The following KCNQ1 variants were observed in gnomAD, a reference collection of about 807,000 sequenced individuals.
KCNQ1 encodes potassium voltage-gated channel subfamily KQT member 1.
A neutral mutation model predicts 72.4 loss-of-function variants in KCNQ1; 49 were observed. The observed-to-expected ratio is 0.68, with a 90% CI of 0.54 to 0.86. The LOEUF is 0.86. Among genes scored for constraint, KCNQ1 ranks in the 40% least tolerant of loss-of-function variants. The pLI is 0.00. For synonymous variants in KCNQ1, 450 were observed against 412.6 expected (o/e 1.09, Z -1.10); for missense variants, 790 against 945.1 (o/e 0.84, Z 2.15).
intron 15 of KCNQ1, among the ~76,000 whole-genome samples, chr11:2,823,658 T>C (rs1847784305): frequency 6.6e-6 from 1 of 152,170 alleles, no homozygotes; most frequent in African/African-American, 2.4e-5. Flanking sequence ...TAGGTGGGAC[T>C]GGGAAGAAAA....
intron 10 of KCNQ1, chr11:2,610,141 T>C (rs1465196): frequency 5.0e-6 from 2 of 397,860 alleles, no homozygotes; most frequent in African/African-American, 4.1e-5. Flanking sequence ...TAATATAAAT[T>C]TTCATTTCTT....
At chr11:2,586,108 C>A (rs1848588345) in intron 8 of KCNQ1, among the ~76,000 whole-genome samples, 1 of 152,208 alleles carries the variant, frequency 6.6e-6, no homozygotes, top group South Asian at 2.1e-4. Flanking sequence ...GGTTGAATGA[C>A]AAGTGCCCAC....
At chr11:2,707,401 G>T (rs1050620637) in intron 11 of KCNQ1, among the ~76,000 whole-genome samples, 2 of 152,190 alleles carry the variant, frequency 1.3e-5, no homozygotes, top group Non-Finnish European at 2.9e-5. Flanking sequence ...GGCCCTGCCT[G>T]GGCACAGAGC....
intron 4 of KCNQ1, 86 bp from the exon 5 acceptor site, chr11:2,571,927 C>A: frequency 9.2e-7 from 1 of 1,089,418 alleles, no homozygotes; most frequent in Non-Finnish European, 1.4e-6. Context: ...GGGGCAGGGA[C>A]ACCCATGCCA....
chr11:2,790,643 G>A (rs1847003052), intron 15 of KCNQ1, among the ~76,000 whole-genome samples: 2 of 152,220 alleles, frequency 1.3e-5, no homozygotes, highest in African/African-American at 4.8e-5. Flanking sequence ...TGTGAGACTC[G>A]GCGAGTCACG....
intron 10 of KCNQ1, chr11:2,631,427 T>A (rs10832417): frequency 5.1e-6 from 2 of 390,522 alleles, no homozygotes; most frequent in Non-Finnish European, 9.0e-6. Context: ...AAAATGTTTG[T>A]TTTTTTTTTA....
At chr11:2,693,556 C>A (rs1403088728) in intron 11 of KCNQ1, 15 of 398,550 alleles carry the variant, frequency 3.8e-5, no homozygotes, top group Non-Finnish European at 6.2e-5. Flanking sequence ...GAGCCCAAGG[C>A]TTTTCGGAGG....
At chr11:2,453,944 T>C (rs1014400349) in intron 1 of KCNQ1, among the ~76,000 whole-genome samples, 1 of 152,320 alleles carries the variant, frequency 6.6e-6, no homozygotes, top group South Asian at 2.1e-4. Flanking sequence ...ATTTATTTAA[T>C]TATTTTTTTC....
rs377719884 is a variant in KCNQ1 at position 2,731,704 on chromosome 11, G to A, written c.1515-37140G>A. Among the ~76,000 whole-genome samples the A allele has an allele frequency of 9.8e-5, 15 of 152,318 alleles. 1 individual carries two copies. The East Asian group carries it at 1.7e-3, about 18-fold the overall frequency. ...GAGGGCCTGAGGCCCAGAGAAAGGCGCCTGAAGCAAGGGAGGGGAGGGCTG... is the reference window on the plus strand; with the variant it reads ...GAGGGCCTGAGGCCCAGAGAAAGGCACCTGAAGCAAGGGAGGGGAGGGCTG... On this transcript the variant is annotated intron_variant, in intron 11 of 15. Transcript: ENST00000155840.
intron 1 of KCNQ1, among the ~76,000 whole-genome samples, chr11:2,501,595 A>C (rs555928044): frequency 1.3e-5 from 2 of 152,110 alleles, no homozygotes; most frequent in Non-Finnish European, 2.9e-5. Context: ...ATTCTGCCAA[A>C]GATTTCAAGA....
In KCNQ1 at chr11:2,600,920, A is replaced by G. The variant is rs11023425; in HGVS notation, c.1393+12066A>G. On this transcript the variant is annotated intron_variant, in intron 10 of 15. Coordinates refer to ENST00000155840, the MANE Select transcript of KCNQ1 (RefSeq NM_000218.3). This position sits in a 1 kb window ranked among gnomAD's most constrained non-coding sequence, Gnocchi z 5.6. ...CCTGATGTCCTTCTCAGTGTATCAC[A>G]TCCTGAGGCACACAGTGTATCTGCC... Among the ~76,000 whole-genome samples, 31,584 of 152,034 alleles carry G rather than the reference A, an allele frequency of 0.21. 4,354 individuals are homozygous for G. Among genetic ancestry groups the G allele is most frequent in the African/African-American group, 0.36 (15,066 of 41,410 alleles).
intron 11 of KCNQ1, among the ~76,000 whole-genome samples, chr11:2,744,443 A>G (rs1449533389): frequency 2.6e-5 from 4 of 152,206 alleles, no homozygotes; most frequent in South Asian, 2.1e-4. Flanking sequence ...CAGGGGTGCA[A>G]GAGGTGCCTG....
intron 15 of KCNQ1, among the ~76,000 whole-genome samples, chr11:2,836,948 C>T (rs1444730227): frequency 6.6e-6 from 1 of 152,154 alleles, no homozygotes; most frequent in Non-Finnish European, 1.5e-5. Context: ...CCATGAAAAA[C>T]CCTGTACACA....
Position 2,610,901 on chromosome 11 carries a change from T to G in KCNQ1, c.1393+22047T>G, listed in dbSNP as rs913224900. On this transcript the variant is annotated intron_variant, in intron 10 of 15. Transcript: ENST00000155840. The stretch of plus-strand genomic sequence containing the variant: ...CACCTCCCACCATTTCATCCAAGAA[T>G]AGTAGTTGGGTAATAGTTCAATAAC... The G allele has an allele frequency of 1.8e-5, 7 of 398,330 alleles. No homozygotes were observed. The Admixed American group carries it at 3.1e-4, about 18-fold the overall frequency. 24.7% of individuals were successfully genotyped at this position (398,330 alleles called of 1,614,324 possible).
At chr11:2,511,133 C>T in intron 1 of KCNQ1, among the ~76,000 whole-genome samples, 1 of 152,238 alleles carries the variant, frequency 6.6e-6, no homozygotes, top group East Asian at 1.9e-4. Flanking sequence ...CAGGCACACA[C>T]TACGTGCCTC....
rs1005002771 is a variant in KCNQ1, at chr11:2,620,509, C to A, written c.1393+31655C>A. On this transcript the variant is annotated intron_variant, in intron 10 of 15. Transcript: ENST00000155840. The surrounding 1 kb of genome is among the most constrained non-coding windows in gnomAD (Gnocchi z 4.5). ...GGGATTACAGGTGAGAGCTACCGCA[C>A]CTGGCCGAATTCATTCATTTTTATG... is the stretch of plus-strand genomic sequence containing the variant. 2 of 379,834 alleles carry A rather than the reference C, an allele frequency of 5.3e-6. No individual in the cohort carries two copies. Among genetic ancestry groups the A allele is most frequent in the Non-Finnish European group, 9.3e-6 (2 of 215,178 alleles). 23.5% of individuals were successfully genotyped at this position (379,834 alleles called of 1,614,324 possible).
Position 2,673,499 on chromosome 11 carries a change from C to G in KCNQ1, c.1514+11418C>G, listed in dbSNP as rs568262725. 7 of 398,552 alleles carry G rather than the reference C, an allele frequency of 1.8e-5. No individual in the cohort carries two copies. The highest frequency in any genetic ancestry group is 3.1e-5 in the Non-Finnish European group (7 of 226,112). 24.7% of individuals were successfully genotyped at this position (398,552 alleles called of 1,614,324 possible). On this transcript the variant is annotated intron_variant, in intron 11 of 15. Transcript: ENST00000155840. This position sits in a 1 kb window ranked among gnomAD's most constrained non-coding sequence, Gnocchi z 4.5. ...CCATACAGACTCCTGCTCATCACAA[C>G]CACTTGTTGATGCTGACAGCCTGTA...
intron 15 of KCNQ1, among the ~76,000 whole-genome samples, chr11:2,791,844 G>T (rs746610930): frequency 5.9e-5 from 9 of 152,338 alleles, no homozygotes; most frequent in Non-Finnish European, 1.3e-4. Flanking sequence ...GCCCGCAGGT[G>T]GGGGCTTCCG....
intron 2 of KCNQ1, among the ~76,000 whole-genome samples, chr11:2,555,074 C>A (rs542469053): frequency 6.6e-6 from 1 of 152,164 alleles, no homozygotes; most frequent in Non-Finnish European, 1.5e-5. Flanking sequence ...CAACACTGCG[C>A]GGGCCCCTGA....
Sources: allele counts gnomAD v4.1 joint callset (sites outside exome capture counted in the v4.1 genomes callset), GRCh38; gene constraint gnomAD v4.1.1; non-coding constraint Gnocchi (gnomAD v3.1); transcripts MANE v1.5; gene names NCBI Gene and HGNC (gene_info 2026-07-23, HGNC 2026-07-21).